Variants in NTM observed in about 807,000 individuals in gnomAD.
The protein encoded by NTM is neurotrimin.
NTM carries 13 observed loss-of-function variants against 42.1 expected under a neutral mutation model. The ratio of observed to expected loss-of-function variants is 0.31; its 90% CI spans 0.20 to 0.49. NTM has a LOEUF of 0.49. Ranked by LOEUF, NTM falls within the 20% of genes least tolerant of loss-of-function variation. The probability of loss-of-function intolerance (pLI) is 0.99; values close to 1 mark genes in which losing one functional copy is unlikely to be tolerated. For synonymous variants in NTM, 187 were observed against 179.2 expected (o/e 1.04, Z -0.35); for missense variants, 373 against 452.8 (o/e 0.82, Z 1.60).
At chr11:132,001,015 T>C (rs551489614) in intron 2 of NTM, among the ~76,000 whole-genome samples, 2 of 152,164 alleles carry the variant, frequency 1.3e-5, no homozygotes, top group Non-Finnish European at 2.9e-5. Context: ...GCATTCATAG[T>C]CATCTGCCAA....
At chr11:131,603,723 C>A (rs959709317) in intron 1 of NTM, among the ~76,000 whole-genome samples, 9 of 152,212 alleles carry the variant, frequency 5.9e-5, no homozygotes, top group Non-Finnish European at 1.2e-4. Context: ...AACCGTTAAT[C>A]TGCTAATGTT....
intron 1 of NTM, among the ~76,000 whole-genome samples, chr11:131,513,445 A>C (rs1353927246): frequency 6.6e-6 from 1 of 152,128 alleles, no homozygotes; most frequent in African/African-American, 2.4e-5. Context: ...CAGAAAAAAA[A>C]AGTCCTTTGA....
At chr11:132,257,367 C>T (rs914047909) in intron 4 of NTM, among the ~76,000 whole-genome samples, 1 of 152,144 alleles carries the variant, frequency 6.6e-6, no homozygotes, top group Non-Finnish European at 1.5e-5. Flanking sequence ...AAGGAAGTGA[C>T]CAGTTGGAGA....
rs543366199 is a variant in NTM at position 132,320,299 on chromosome 11, G to A, written c.934+5596G>A. ...CTCATTAAGGAGTGCCAGACAGTGG[G>A]TGCAGGTCAGTGGGTGCACGCACCA... On this transcript the variant is annotated intron_variant, in intron 7 of 8. Coordinates refer to ENST00000683400, the MANE Select transcript of NTM (RefSeq NM_001352005.2). 5.3e-5 allele frequency among the ~76,000 whole-genome samples: 8 copies of A among 152,336 alleles called. No homozygotes were observed. In the South Asian group the frequency reaches 1.7e-3, roughly 32 times the overall value.
intron 1 of NTM, among the ~76,000 whole-genome samples, chr11:131,867,551 T>C (rs2047351176): frequency 6.6e-6 from 1 of 152,020 alleles, no homozygotes; most frequent in Non-Finnish European, 1.5e-5. Context: ...TGTGTGCGTG[T>C]TTGGGTGTCT....
intron 2 of NTM, among the ~76,000 whole-genome samples, chr11:132,026,700 C>G (rs184273141): frequency 6.6e-6 from 1 of 152,146 alleles, no homozygotes; most frequent in African/African-American, 2.4e-5. Flanking sequence ...ATTATTTTTG[C>G]TGTGGTTTTG....
At chr11:131,829,271 A>G (rs2042515856) in intron 1 of NTM, among the ~76,000 whole-genome samples, 1 of 152,048 alleles carries the variant, frequency 6.6e-6, no homozygotes. Flanking sequence ...AGGTTTGGGG[A>G]ACAATTGATC....
chr11:131,545,379 C>T (rs1411596815), intron 1 of NTM, among the ~76,000 whole-genome samples: 1 of 151,940 alleles, frequency 6.6e-6, no homozygotes, highest in East Asian at 1.9e-4. Flanking sequence ...TTTTTTCTCT[C>T]AGCTTTCTCA....
At chr11:131,678,111 G>A (rs1048698646) in intron 1 of NTM, among the ~76,000 whole-genome samples, 2 of 152,204 alleles carry the variant, frequency 1.3e-5, no homozygotes, top group Non-Finnish European at 2.9e-5. Context: ...TGCAGCTTCC[G>A]GGGCCCCTGG....
At chr11:132,063,234 C>T (rs940602385) in intron 2 of NTM, among the ~76,000 whole-genome samples, 6 of 152,170 alleles carry the variant, frequency 3.9e-5, no homozygotes, top group Admixed American at 2.0e-4. Flanking sequence ...CTCCGAAATG[C>T]TCCTCCTCCA....
intron 1 of NTM, among the ~76,000 whole-genome samples, chr11:131,495,200 A>G (rs978219787): frequency 6.6e-6 from 1 of 152,164 alleles, no homozygotes; most frequent in African/African-American, 2.4e-5. Flanking sequence ...CATAGCCGCT[A>G]GTTCCCAGCA....
intron 1 of NTM, among the ~76,000 whole-genome samples, chr11:131,402,631 A>G (rs996776448): frequency 6.6e-6 from 1 of 152,200 alleles, no homozygotes; most frequent in African/African-American, 2.4e-5. Flanking sequence ...ATGGAAAGAT[A>G]TACAGAGACT....
intron 1 of NTM, among the ~76,000 whole-genome samples, chr11:131,888,225 C>T (rs1349847004): frequency 6.6e-5 from 10 of 151,970 alleles, no homozygotes; most frequent in Admixed American, 1.3e-4. Flanking sequence ...CGCTTGAACC[C>T]GGGAGGTGGA....
chr11:131,955,920 C>T (rs1289520615), intron 2 of NTM, among the ~76,000 whole-genome samples: 1 of 152,222 alleles, frequency 6.6e-6, no homozygotes, highest in African/African-American at 2.4e-5. Context: ...CCCCTGGAGC[C>T]TGTTCTTAAG....
At chr11:132,230,314 T>C (rs754785694) in intron 4 of NTM, among the ~76,000 whole-genome samples, 5 of 152,246 alleles carry the variant, frequency 3.3e-5, no homozygotes, top group Non-Finnish European at 7.3e-5. Context: ...TGTTTATCTT[T>C]AGAGCAGCAC....
At chr11:131,807,452 T>A (rs1335409572) in intron 1 of NTM, among the ~76,000 whole-genome samples, 3 of 152,178 alleles carry the variant, frequency 2.0e-5, no homozygotes, top group Non-Finnish European at 4.4e-5. Flanking sequence ...AGGAGAAACA[T>A]TATGGAGAAG....
At chr11:132,092,041 C>A (rs1043713028) in intron 2 of NTM, among the ~76,000 whole-genome samples, 4 of 152,208 alleles carry the variant, frequency 2.6e-5, no homozygotes, top group Non-Finnish European at 1.5e-5. Flanking sequence ...AAAAGCTATT[C>A]CACCCAAAGC....
chr11:131,635,573 T>TAA (rs1051909380), intron 1 of NTM, among the ~76,000 whole-genome samples: 2 of 152,134 alleles, frequency 1.3e-5, no homozygotes, highest in Non-Finnish European at 2.9e-5. Flanking sequence ...GTTTAAAAAA[T>TAA]AAAAAAGCTT....
intron 2 of NTM, among the ~76,000 whole-genome samples, chr11:132,029,574 T>C (rs556470034): frequency 3.9e-5 from 6 of 152,114 alleles, no homozygotes; most frequent in Non-Finnish European, 8.8e-5. Flanking sequence ...CCAGCCTGTT[T>C]AGGTGCTTTA....
Sources: allele counts gnomAD v4.1 joint callset (sites outside exome capture counted in the v4.1 genomes callset), GRCh38; gene constraint gnomAD v4.1.1; transcripts MANE v1.5; gene names NCBI Gene and HGNC (gene_info 2026-07-23, HGNC 2026-07-21).